The following NUMA1 variants were observed in gnomAD, a reference collection of about 807,000 sequenced individuals.
NUMA1 encodes the protein SP-H antigen.
NUMA1 carries 62 observed loss-of-function variants against 237.1 expected under a neutral mutation model. The observed-to-expected ratio is 0.26, with a 90% confidence interval of 0.21 to 0.32. NUMA1 has a LOEUF of 0.32. NUMA1 is among the 10% of genes least tolerant of loss of function. The pLI is 1.00. For synonymous variants in NUMA1, 1,028 were observed against 1,066.1 expected, an observed-to-expected ratio of 0.96 and a Z score of 0.70; for missense variants, 2,533 against 2,666.5, an observed-to-expected ratio of 0.95 and a Z score of 1.10.
At chr11:72,025,508 T>G (rs895966137) in intron 4 of NUMA1, among the ~76,000 whole-genome samples, 1 of 152,164 alleles carries the variant, frequency 6.6e-6, no homozygotes, top group African/African-American at 2.4e-5. Flanking sequence ...CTGGATCCCC[T>G]AGCTAACTGC....
rs1591076993 is a variant in NUMA1 at position 72,066,728 on chromosome 11, T to C, written c.-33+3114A>G. 3.9e-5 allele frequency: 6 copies of C among 152,338 alleles called. No individual in the cohort carries two copies. The South Asian group carries it at 1.2e-3, about 32-fold the overall frequency. The allele number at this position is 152,338 out of a possible 1,614,324, so 9.4% of individuals were successfully genotyped here. A position where few individuals can be genotyped will look rare whatever the true frequency, so the allele number is the denominator to read the frequency against. On this transcript the variant is annotated intron_variant, in intron 2 of 26. Transcript: ENST00000393695. ...CCATATTGCTTGTTCCTCTACAAAC[T>C]TAATTACAATCCTCCCTGGGTGGAT...
At chr11:72,010,482 C>A (rs948090915) in intron 17 of NUMA1, among the ~76,000 whole-genome samples, 57 of 152,362 alleles carry the variant, frequency 3.7e-4, no homozygotes, top group African/African-American at 1.3e-3. Context: ...AGCTACTGAA[C>A]AGGGGCACAG....
intron 7 of NUMA1, among the ~76,000 whole-genome samples, chr11:72,021,673 T>C (rs1938851502): frequency 6.6e-6 from 1 of 152,220 alleles, no homozygotes; most frequent in South Asian, 2.1e-4. Context: ...AGTGGCACAA[T>C]CATAGCTCAC....
chr11:72,036,513 C>A (rs954936288), intron 2 of NUMA1, among the ~76,000 whole-genome samples: 37 of 152,332 alleles, frequency 2.4e-4, no homozygotes, highest in African/African-American at 8.9e-4. Flanking sequence ...TGTTCTTAAG[C>A]AGAAATGTTG....
At chr11:72,063,331 C>T (rs1204385872) in intron 2 of NUMA1, among the ~76,000 whole-genome samples, 3 of 152,164 alleles carry the variant, frequency 2.0e-5, no homozygotes, top group African/African-American at 7.2e-5. Context: ...CTGTGGTGAG[C>T]TGTGATCATA....
At chr11:72,026,435 C>T (rs7930721) in intron 4 of NUMA1, among the ~76,000 whole-genome samples, 1 of 151,898 alleles carries the variant, frequency 6.6e-6, no homozygotes, top group Non-Finnish European at 1.5e-5. Context: ...AAATGTCAGA[C>T]CTCTAAGTTT....
rs1169467601 is a variant in NUMA1 at position 72,015,566 on chromosome 11, G to C, written c.1937C>G (p.Ala646Gly). Residue 646 changes from alanine to glycine, a missense_variant, in exon 15 of 27, where the codon GCA becomes GGA. By Grantham distance (60) the Ala-to-Gly change is moderately conservative. Coordinates refer to ENST00000393695, the MANE Select transcript of NUMA1 (RefSeq NM_006185.4). This position sits in a 1 kb window ranked among gnomAD's most constrained non-coding sequence, Gnocchi z 4.0. ...TTCCTCCACCTTCCGGCTCAGCTCTGCCTTCTCCCGCTGGGCCTGTGTCAC... is the reference window on the plus strand; with the variant it reads ...TTCCTCCACCTTCCGGCTCAGCTCTCCCTTCTCCCGCTGGGCCTGTGTCAC... The part of the protein sequence containing the change: ...TSVTQAQREK[A>G]ELSRKVEELQ... The C allele has an allele frequency of 4.3e-6, 7 of 1,613,546 alleles. No individual in the cohort carries two copies. Among genetic ancestry groups the C allele is most frequent in the Non-Finnish European group, 5.1e-6 (6 of 1,180,018 alleles).
At chr11:72,019,398 C>CA in intron 9 of NUMA1, 96 bp downstream of exon 9, 6 of 1,509,364 alleles carry the variant, frequency 4.0e-6, no homozygotes, top group Non-Finnish European at 4.5e-6. Context: ...CTAAGCACTC[C>CA]CAGAGGCTGG....
intron 2 of NUMA1, among the ~76,000 whole-genome samples, chr11:72,042,974 T>C (rs927711605): frequency 6.6e-6 from 1 of 151,450 alleles, no homozygotes; most frequent in African/African-American, 2.4e-5. Flanking sequence ...AATAAAAAAT[T>C]AGCCGGGTGT....
intron 9 of NUMA1, 99 bp downstream of exon 9, chr11:72,019,395 C>T: frequency 6.7e-7 from 1 of 1,486,084 alleles, no homozygotes; most frequent in South Asian, 1.2e-5. Context: ...ACTCTAAGCA[C>T]TCCCAGAGGC....
chr11:72,018,022 C>T (rs980335317), intron 12 of NUMA1, 161 bp downstream of exon 12: 7 of 939,932 alleles, frequency 7.4e-6, no homozygotes, highest in East Asian at 2.5e-5. Context: ...CCCGGGAAGC[C>T]GCCAATTATG....
At position 72,013,794 on chromosome 11, in the gene NUMA1, G is replaced by A. The variant is rs191144977; in HGVS notation, c.3709C>T (p.Leu1237=). ...ISSLEEEVSI[L]NRQVLEKEGE... ...TCCTTCTCCAGGACCTGGCGATTCAGGATGGACACCTCCTCCTCCAAGCTG... is the reference window on the plus strand; with the variant it reads ...TCCTTCTCCAGGACCTGGCGATTCAAGATGGACACCTCCTCCTCCAAGCTG... Residue 1237 remains leucine, a synonymous_variant, in exon 15 of 27, where the codon CTG becomes TTG. Transcript: ENST00000393695. This position sits in a 1 kb window ranked among gnomAD's most constrained non-coding sequence, Gnocchi z 6.8. 1.7e-5 allele frequency: 28 copies of A among 1,610,388 alleles called. No homozygotes were observed. The South Asian group carries it at 2.6e-4, about 15-fold the overall frequency.
chr11:72,022,736 A>T (rs1450709847), intron 6 of NUMA1, among the ~76,000 whole-genome samples: 1 of 152,118 alleles, frequency 6.6e-6, no homozygotes, highest in Admixed American at 6.5e-5. Flanking sequence ...AGAGGGAATG[A>T]CTTAAGACTG....
At position 72,009,343 on chromosome 11, in the gene NUMA1, G is replaced by T. The variant is rs1955983234; in HGVS notation, c.4764C>A (p.Arg1588=). 1 of 1,612,792 alleles carries T rather than the reference G, an allele frequency of 6.2e-7. No individual in the cohort carries two copies. The highest frequency in any genetic ancestry group is 1.1e-5 in the South Asian group (1 of 91,056). ...GCAGTTCATTCAGCTGGGCCTGGAG[G>T]CGCTGGGCCTCCTGCTGGCTCTCGC... is the stretch of plus-strand genomic sequence containing the variant. ...QGGESQQEAQ[R]LQAQLNELQA... Residue 1588 remains arginine (R), a synonymous_variant, in exon 18 of 27, where the codon CGC becomes CGA. Transcript: ENST00000393695.
At position 72,029,288 on chromosome 11, in the gene NUMA1, C is replaced by A; in HGVS notation, c.45G>T (p.Val15=). ...ATRGAALLSW[V]NSLHVADPVE... ...CAGGGTCAGCCACGTGTAGACTGTT[C>A]ACCTGTAAATCAAAGGGAACAGCCT... The change falls in exon 4 of 27, where the codon GTG becomes GTT. Residue 15 remains valine (V), a splice_region_variant and synonymous_variant. Coordinates refer to ENST00000393695, the MANE Select transcript of NUMA1 (RefSeq NM_006185.4). The A allele has an allele frequency of 6.2e-7, 1 of 1,604,048 alleles. No individual in the cohort carries two copies.
At chr11:72,010,402 AAAG>A (rs1322078803) in intron 17 of NUMA1, among the ~76,000 whole-genome samples, 2 of 152,378 alleles carry the variant, frequency 1.3e-5, no homozygotes, top group Admixed American at 1.3e-4. Flanking sequence ...ACATTGTCCA[AAAG>A]AACTTTATGC....
chr11:72,078,307 G>A (rs1019178929), intron 1 of NUMA1, among the ~76,000 whole-genome samples: 2 of 152,222 alleles, frequency 1.3e-5, no homozygotes, highest in Admixed American at 6.5e-5. Flanking sequence ...CTGGGTAAGA[G>A]GCTAAATTAA....
Position 72,017,834 on chromosome 11 carries a change from C to T in NUMA1, c.979-7G>A, listed in dbSNP as rs766058147. ...GACTGGCAAACTCCCGCAGCTGAGA[C>T]GGGCAAGTGAGAATCCCCATCACCC... On this transcript the variant is annotated splice_region_variant and splice_polypyrimidine_tract_variant and intron_variant, in intron 12 of 26. Transcript: ENST00000393695. The T allele has an allele frequency of 1.6e-5, 25 of 1,575,118 alleles. No individual in the cohort carries two copies. Among genetic ancestry groups the T allele is most frequent in the Middle Eastern group, 1.7e-4 (1 of 5,872 alleles).
Position 72,003,217 on chromosome 11 carries a change from AG to A in NUMA1, c.*309del. ...CTAAGAGGAAGACTGGCCAGGCCCA[AG>A]GACCCAGCCATCAAAACCAGCCTCA... On this transcript the variant is annotated 3_prime_UTR_variant, in exon 27 of 27. Coordinates refer to ENST00000393695, the MANE Select transcript of NUMA1 (RefSeq NM_006185.4). The A allele has an allele frequency of 2.2e-6, 1 of 456,958 alleles. No individual in the cohort carries two copies. The highest frequency in any genetic ancestry group is 4.0e-6 in the Non-Finnish European group (1 of 249,308). The allele number at this position is 456,958 out of a possible 1,614,324, so 28.3% of individuals were successfully genotyped here.
Sources: gnomAD v4.1 joint callset for allele counts (sites outside exome capture counted in the v4.1 genomes callset) on GRCh38, gnomAD v4.1.1 for gene constraint, Gnocchi (gnomAD v3.1) non-coding constraint, MANE v1.5 for transcripts, NCBI Gene and HGNC (gene_info 2026-07-23, HGNC 2026-07-21) for gene names.